The following SNTG1 variants were observed in gnomAD, a reference collection of about 807,000 sequenced individuals.
The protein encoded by SNTG1 is gamma-1-syntrophin.
Under a neutral mutation model 74.7 loss-of-function variants are expected in SNTG1, and 39 were observed. The ratio of observed to expected loss-of-function variants is 0.52; its 90% CI spans 0.40 to 0.68. The LOEUF (loss-of-function observed/expected upper bound fraction) is 0.68, where lower values mean the gene tolerates loss of function less well. Ranked by LOEUF, SNTG1 falls within the 30% of genes least tolerant of loss-of-function variation. SNTG1 has a pLI of 0.00. For synonymous variants in SNTG1, 254 were observed against 217.1 expected (o/e 1.17, Z -1.49); for missense variants, 685 against 609.5 (o/e 1.12, Z -1.30).
chr8:50,373,499 A>G (rs2092313512), intron 2 of SNTG1, among the ~76,000 whole-genome samples: 2 of 152,320 alleles, frequency 1.3e-5, no homozygotes, highest in Middle Eastern at 3.4e-3. Flanking sequence ...ATGGATATAC[A>G]TACCTTTGTA....
chr8:49,939,563 A>T (rs894481532), intron 1 of SNTG1, among the ~76,000 whole-genome samples: 3 of 152,180 alleles, frequency 2.0e-5, no homozygotes, highest in Non-Finnish European at 2.9e-5. Context: ...TAGCCTCCCG[A>T]GTAACTACAA....
intron 1 of SNTG1, among the ~76,000 whole-genome samples, chr8:50,057,604 G>T (rs145850377): frequency 6.6e-4 from 100 of 152,190 alleles, no homozygotes; most frequent in African/African-American, 2.3e-3. Flanking sequence ...GATATGTCAT[G>T]GTTAAGGACT....
intron 1 of SNTG1, among the ~76,000 whole-genome samples, chr8:49,971,418 T>C (rs1338851436): frequency 6.6e-6 from 1 of 152,144 alleles, no homozygotes; most frequent in Non-Finnish European, 1.5e-5. Context: ...TCATACTGAA[T>C]GGGCAAAAAC....
chr8:49,964,403 T>C (rs1296270948), intron 1 of SNTG1, among the ~76,000 whole-genome samples: 1 of 152,248 alleles, frequency 6.6e-6, no homozygotes, highest in Non-Finnish European at 1.5e-5. Flanking sequence ...CATGAGCCAA[T>C]ACCTTCAAAT....
chr8:50,467,371 T>C (rs1449093306), intron 8 of SNTG1, among the ~76,000 whole-genome samples: 1 of 151,926 alleles, frequency 6.6e-6, no homozygotes, highest in Non-Finnish European at 1.5e-5. Flanking sequence ...TATTATCTAT[T>C]TCTTCTTGCG....
At chr8:50,209,556 G>T (rs7817638) in intron 2 of SNTG1, among the ~76,000 whole-genome samples, 1 of 151,994 alleles carries the variant, frequency 6.6e-6, no homozygotes, top group Non-Finnish European at 1.5e-5. Context: ...AACATTTGCC[G>T]TTCTGCAAGA....
intron 1 of SNTG1, among the ~76,000 whole-genome samples, chr8:50,023,430 G>A (rs1816995256): frequency 6.6e-6 from 1 of 152,042 alleles, no homozygotes; most frequent in African/African-American, 2.4e-5. Flanking sequence ...AAGTCAACTG[G>A]CACTTAAAAT....
At position 50,218,269 on chromosome 8, in the gene SNTG1, A is replaced by G. The variant is rs183595659; in HGVS notation, c.-28+45634A>G. Among the ~76,000 whole-genome samples the G allele has an allele frequency of 1.2e-4, 18 of 152,304 alleles. No individual in the cohort carries two copies. In the East Asian group the frequency reaches 2.7e-3, roughly 23 times the overall value. On this transcript the variant is annotated intron_variant, in intron 2 of 18. Transcript: ENST00000642720. ...AGAAAATTACACAATTGAGGCCTGA[A>G]TGCACGTTTAGCACTGTGGGTTACG...
chr8:50,262,600 G>T (rs539184631), intron 2 of SNTG1, among the ~76,000 whole-genome samples: 4 of 151,900 alleles, frequency 2.6e-5, no homozygotes, highest in Non-Finnish European at 5.9e-5. Flanking sequence ...TAGTAGAGAC[G>T]GGGTTTCACC....
At chr8:50,681,494 T>A (rs1437729217) in intron 15 of SNTG1, among the ~76,000 whole-genome samples, 1 of 152,230 alleles carries the variant, frequency 6.6e-6, no homozygotes, top group African/African-American at 2.4e-5. Flanking sequence ...TTAAAACTAT[T>A]CATTGTTATT....
At chr8:50,301,689 TCA>T (rs1447506599) in intron 2 of SNTG1, among the ~76,000 whole-genome samples, 1 of 152,132 alleles carries the variant, frequency 6.6e-6, no homozygotes, top group Non-Finnish European at 1.5e-5. Flanking sequence ...TTTTAGATTC[TCA>T]CATCCCCTGG....
At chr8:50,720,061 G>C (rs1313772590) in intron 17 of SNTG1, among the ~76,000 whole-genome samples, 6 of 152,110 alleles carry the variant, frequency 3.9e-5, no homozygotes, top group African/African-American at 1.4e-4. Flanking sequence ...TTAGGCAACT[G>C]GCCCAATGAT....
intron 15 of SNTG1, among the ~76,000 whole-genome samples, chr8:50,670,140 G>T (rs1268009474): frequency 1.3e-5 from 2 of 152,172 alleles, no homozygotes; most frequent in African/African-American, 2.4e-5. Flanking sequence ...ACAAGACAGG[G>T]ATGCCCTCTC....
chr8:50,492,821 G>T (rs2093869817), intron 8 of SNTG1, among the ~76,000 whole-genome samples: 1 of 152,180 alleles, frequency 6.6e-6, no homozygotes, highest in Non-Finnish European at 1.5e-5. Context: ...CCTATGTCCT[G>T]AATGGTACTG....
At chr8:50,322,504 A>C (rs13266528) in intron 2 of SNTG1, among the ~76,000 whole-genome samples, 7 of 151,858 alleles carry the variant, frequency 4.6e-5, no homozygotes, top group Non-Finnish European at 1.5e-5. Context: ...TAAATGTCTT[A>C]AGGCAGTCTT....
At chr8:50,783,476 TC>T (rs1041538013) in intron 18 of SNTG1, among the ~76,000 whole-genome samples, 1 of 152,178 alleles carries the variant, frequency 6.6e-6, no homozygotes, top group Non-Finnish European at 1.5e-5. Context: ...TCAGGGAGAC[TC>T]CATGGGCATG....
intron 17 of SNTG1, among the ~76,000 whole-genome samples, chr8:50,710,223 T>C (rs2095457810): frequency 6.6e-6 from 1 of 152,148 alleles, no homozygotes; most frequent in Non-Finnish European, 1.5e-5. Flanking sequence ...ATCTAATGTG[T>C]TGCCTTCACA....
chr8:50,600,907 C>T (rs1050647024), intron 13 of SNTG1, among the ~76,000 whole-genome samples: 3 of 151,404 alleles, frequency 2.0e-5, no homozygotes, highest in Non-Finnish European at 4.4e-5. Context: ...CGGTGGCTCA[C>T]TCCTGTAATC....
chr8:50,197,001 A>AGAAT (rs2083796816), intron 2 of SNTG1, among the ~76,000 whole-genome samples: 1 of 152,040 alleles, frequency 6.6e-6, no homozygotes. Context: ...AAAGAAAGAA[A>AGAAT]AATTGAAAGT....
Sources: allele counts gnomAD v4.1 joint callset (sites outside exome capture counted in the v4.1 genomes callset), GRCh38; gene constraint gnomAD v4.1.1; transcripts MANE v1.5; gene names NCBI Gene and HGNC (gene_info 2026-07-23, HGNC 2026-07-21).